Variants in USP22 observed in about 807,000 individuals in gnomAD.
USP22 encodes the protein ubiquitin carboxyl-terminal hydrolase 22.
USP22 carries 22 observed loss-of-function variants against 68.1 expected under a neutral mutation model. The ratio of observed to expected loss-of-function variants is 0.32; its 90% CI spans 0.23 to 0.46. USP22 has a LOEUF of 0.46. USP22 is among the 20% of genes least tolerant of loss of function. The pLI is 1.00. For missense variants in USP22, 433 were observed against 695.8 expected (o/e 0.62, Z 4.25); for synonymous variants, 279 against 274.2 (o/e 1.02, Z -0.17).
intron 6 of USP22, 26 bp downstream of exon 6, chr17:21,015,726 T>G: frequency 1.3e-6 from 2 of 1,593,652 alleles, no homozygotes; most frequent in Non-Finnish European, 1.7e-6. Flanking sequence ...CCTGCCCTGG[T>G]GGAGGGTGCA....
At chr17:21,024,536 C>G (rs1432190511) in intron 2 of USP22, among the ~76,000 whole-genome samples, 1 of 152,176 alleles carries the variant, frequency 6.6e-6, no homozygotes, top group Non-Finnish European at 1.5e-5. Context: ...AAAAAATTAA[C>G]TCGAATGGAT....
At chr17:21,003,851 G>C (rs1913680532) in intron 12 of USP22, among the ~76,000 whole-genome samples, 1 of 145,772 alleles carries the variant, frequency 6.9e-6, no homozygotes, top group South Asian at 2.1e-4. Context: ...AGTGAGCTGA[G>C]ATCATGCCAT....
At chr17:21,036,915 C>CA (rs1008843289) in intron 1 of USP22, among the ~76,000 whole-genome samples, 4 of 152,042 alleles carry the variant, frequency 2.6e-5, no homozygotes, top group African/African-American at 9.7e-5. Flanking sequence ...TCCATTCTCC[C>CA]AAAAAAGAAA....
At chr17:21,017,847 G>T (rs969511906) in intron 5 of USP22, 95 bp downstream of exon 5, 25 of 1,452,160 alleles carry the variant, frequency 1.7e-5, no homozygotes, top group Non-Finnish European at 2.3e-5. Context: ...GGTTCTAAAT[G>T]TATCTTCCTT....
chr17:21,006,826 C>T (rs530953676), intron 10 of USP22, 70 bp downstream of exon 10: 10 of 1,310,020 alleles, frequency 7.6e-6, no homozygotes, highest in East Asian at 2.7e-5. Flanking sequence ...ATAGGAGCTC[C>T]GAGCTGGATT....
intron 1 of USP22, among the ~76,000 whole-genome samples, chr17:21,040,669 G>A (rs901181062): frequency 9.9e-5 from 15 of 152,028 alleles, no homozygotes; most frequent in African/African-American, 3.6e-4. Context: ...GTTTAAACTT[G>A]ACTCCTTCTA....
chr17:21,036,354 G>T (rs548272551), intron 1 of USP22, among the ~76,000 whole-genome samples: 16 of 152,096 alleles, frequency 1.1e-4, no homozygotes, highest in Non-Finnish European at 2.2e-4. Context: ...AATAACTGAT[G>T]AGGCCCTATG....
Position 21,028,636 on chromosome 17 carries a change from G to A in USP22, c.210C>T (p.Leu70=). ...AGTAGAGGCAGGAATGCAGCCTGTT[G>A]AGGTGGACGCCACAGACATGGCAGA... The part of the protein sequence containing the change: ...SCICHVCGVH[L]NRLHSCLYCV... Residue 70 remains leucine, a synonymous_variant, in exon 2 of 13, where the codon CTC becomes CTT. Transcript: ENST00000261497. The A allele has an allele frequency of 6.2e-7, 1 of 1,614,020 alleles. No homozygotes were observed. Among genetic ancestry groups the A allele is most frequent in the Non-Finnish European group, 8.5e-7 (1 of 1,179,998 alleles).
At chr17:21,033,373 C>G (rs1310744712) in intron 1 of USP22, among the ~76,000 whole-genome samples, 2 of 152,210 alleles carry the variant, frequency 1.3e-5, no homozygotes, top group Non-Finnish European at 2.9e-5. Context: ...TTATGCAGTA[C>G]AGAAACACCC....
intron 1 of USP22, among the ~76,000 whole-genome samples, chr17:21,032,133 C>G (rs1972298285): frequency 6.7e-6 from 1 of 148,930 alleles, no homozygotes; most frequent in Non-Finnish European, 1.5e-5. Context: ...CGTCTTTCAA[C>G]TGCCTACAGT....
chr17:21,030,943 G>C (rs564544360), intron 1 of USP22, among the ~76,000 whole-genome samples: 41 of 152,308 alleles, frequency 2.7e-4, no homozygotes, highest in Admixed American at 2.3e-3. Flanking sequence ...TTATGTAGGA[G>C]ACTGTCCCAG....
At chr17:21,039,232 T>G (rs1198523365) in intron 1 of USP22, among the ~76,000 whole-genome samples, 2 of 151,112 alleles carry the variant, frequency 1.3e-5, no homozygotes, top group African/African-American at 4.9e-5. Flanking sequence ...ATTACAGGCG[T>G]GAGCCACCAT....
rs1048249883 is a variant in USP22, at chr17:21,015,603, G to A, written c.838+149C>T. The stretch of plus-strand genomic sequence containing the variant: ...GAGGTCATTAGTTATGGTGACTTCA[G>A]AAACAAATGACGACAAGGGCTATGA... On this transcript the variant is annotated intron_variant, in intron 6 of 12. Transcript: ENST00000261497. 2.5e-6 allele frequency: 3 copies of A among 1,190,774 alleles called. No homozygotes were observed. In the African/African-American group the frequency reaches 4.7e-5, roughly 19 times the overall value. 73.8% of individuals were successfully genotyped at this position (1,190,774 alleles called of 1,614,324 possible). A position where few individuals can be genotyped will look rare whatever the true frequency, so the allele number is the denominator to read the frequency against.
intron 8 of USP22, among the ~76,000 whole-genome samples, chr17:21,010,057 AAGGCTGAGCCCTGGACACTG>A (rs1365274176): frequency 6.6e-6 from 1 of 151,918 alleles, no homozygotes; most frequent in Non-Finnish European, 1.5e-5. Context: ...ACAGGAGACC[AAGGCTGAGCCCTGGACACTG>A]AGGCTGAGCC....
At position 21,006,143 on chromosome 17, in the gene USP22, C is replaced by T. The variant is rs144478543; in HGVS notation, c.1322+753G>A. Among the ~76,000 whole-genome samples the T allele has an allele frequency of 2.0e-4, 30 of 152,270 alleles. No homozygotes were observed. The East Asian group carries it at 4.8e-3, about 24-fold the overall frequency. ...AACTGTGAGGAAATTAATTTTAAGCCGCCAGGTTTTTGGTCATTTGTCACA... is the reference window on the plus strand; with the variant it reads ...AACTGTGAGGAAATTAATTTTAAGCTGCCAGGTTTTTGGTCATTTGTCACA... On this transcript the variant is annotated intron_variant, in intron 10 of 12. Transcript: ENST00000261497.
chr17:21,035,060 C>T (rs934393634), intron 1 of USP22, among the ~76,000 whole-genome samples: 1 of 152,124 alleles, frequency 6.6e-6, no homozygotes, highest in Non-Finnish European at 1.5e-5. Context: ...TGCTGAGGGA[C>T]ACACACTTGG....
intron 6 of USP22, among the ~76,000 whole-genome samples, chr17:21,015,252 C>T (rs1189880668): frequency 6.6e-6 from 1 of 152,214 alleles, no homozygotes. Flanking sequence ...GGGGAGATGG[C>T]CCAGGTCCAA....
At chr17:21,025,915 G>A (rs1275309177) in intron 2 of USP22, among the ~76,000 whole-genome samples, 2 of 152,166 alleles carry the variant, frequency 1.3e-5, no homozygotes, top group Non-Finnish European at 2.9e-5. Flanking sequence ...GAGAGGTGGA[G>A]GACACACAAC....
At chr17:21,019,331 A>G in intron 3 of USP22, 146 bp from the exon 4 acceptor site, 1 of 751,886 alleles carries the variant, frequency 1.3e-6, no homozygotes, top group Non-Finnish European at 2.3e-6. Flanking sequence ...CTCAAACTCT[A>G]CTGTGCTGAG....
Sources: allele counts gnomAD v4.1 joint callset (sites outside exome capture counted in the v4.1 genomes callset), GRCh38; gene constraint gnomAD v4.1.1; transcripts MANE v1.5; gene names NCBI Gene and HGNC (gene_info 2026-07-23, HGNC 2026-07-21).